RTF1: variants seen among roughly 807,000 people sequenced by gnomAD.
RTF1 encodes the protein RTF1 homolog, Paf1/RNA polymerase II complex component.
RTF1 carries 10 observed loss-of-function variants against 95.7 expected under a neutral mutation model. The ratio of observed to expected loss-of-function variants is 0.10; its 90% confidence interval spans 0.06 to 0.18. The LOEUF is 0.18. Ranked by LOEUF, RTF1 falls within the 10% of genes least tolerant of loss-of-function variation. The pLI is 1.00. For synonymous variants in RTF1, 305 were observed against 311.8 expected (o/e 0.98, Z 0.23); for missense variants, 458 against 875.6 (o/e 0.52, Z 6.02).
intron 3 of RTF1, among the ~76,000 whole-genome samples, chr15:41,454,601 G>A (rs950079224): frequency 1.3e-5 from 2 of 152,048 alleles, no homozygotes; most frequent in Admixed American, 6.6e-5. Flanking sequence ...AGAGGAAAAG[G>A]TGCCTTTACA....
At chr15:41,424,006 G>A (rs553668787) in intron 1 of RTF1, among the ~76,000 whole-genome samples, 3 of 152,182 alleles carry the variant, frequency 2.0e-5, no homozygotes, top group Non-Finnish European at 4.4e-5. Flanking sequence ...GCCCTCCTTG[G>A]CTTCCCCAGG....
rs139337169 is a variant in RTF1 at position 41,451,760 on chromosome 15, C to A, written c.310-1141C>A. On this transcript the variant is annotated intron_variant, in intron 2 of 17. Transcript: ENST00000389629. The stretch of plus-strand genomic sequence containing the variant: ...GCTACATTCACTGCCTTCCTGAGAC[C>A]CACCCCAGAACTAAACCATTCTCTG... Among the ~76,000 whole-genome samples the A allele has an allele frequency of 6.6e-5, 10 of 152,240 alleles. No individual in the cohort carries two copies. In the East Asian group the frequency reaches 1.7e-3, roughly 26 times the overall value.
chr15:41,447,886 G>A (rs544723872), intron 2 of RTF1, among the ~76,000 whole-genome samples: 1 of 152,298 alleles, frequency 6.6e-6, no homozygotes, highest in African/African-American at 2.4e-5. Flanking sequence ...AACAGATTAA[G>A]AAGTGCAAGG....
intron 6 of RTF1, among the ~76,000 whole-genome samples, chr15:41,468,339 A>G (rs1017449175): frequency 2.7e-5 from 4 of 150,626 alleles, no homozygotes; most frequent in Admixed American, 6.6e-5. Flanking sequence ...TTTTTTTGAG[A>G]CGGAGTCTCG....
At chr15:41,473,740 C>G (rs1209487862) in intron 8 of RTF1, among the ~76,000 whole-genome samples, 2 of 150,574 alleles carry the variant, frequency 1.3e-5, no homozygotes, top group Admixed American at 6.6e-5. Context: ...TTTTTTTTTT[C>G]TTTTTTGTAG....
intron 4 of RTF1, among the ~76,000 whole-genome samples, chr15:41,462,822 T>G (rs1201103900): frequency 6.6e-6 from 1 of 152,086 alleles, no homozygotes; most frequent in Admixed American, 6.6e-5. Flanking sequence ...GTGGCATGAT[T>G]ATAGCTCATT....
chr15:41,474,948 A>G (rs2050935100), intron 9 of RTF1, among the ~76,000 whole-genome samples: 1 of 152,180 alleles, frequency 6.6e-6, no homozygotes, highest in African/African-American at 2.4e-5. Flanking sequence ...TGTGGTTATG[A>G]GAGACCCTCC....
At chr15:41,422,760 G>A (rs2050608659) in intron 1 of RTF1, among the ~76,000 whole-genome samples, 1 of 152,020 alleles carries the variant, frequency 6.6e-6, no homozygotes, top group South Asian at 2.1e-4. Context: ...TGAGAGAATA[G>A]GCCCCCCTAA....
intron 1 of RTF1, among the ~76,000 whole-genome samples, chr15:41,427,431 G>A (rs1006877822): frequency 1.3e-5 from 2 of 152,036 alleles, no homozygotes; most frequent in African/African-American, 4.8e-5. Context: ...GATTACAGGC[G>A]TGAGCCACTG....
At chr15:41,476,870 G>A (rs2050944206) in intron 12 of RTF1, among the ~76,000 whole-genome samples, 1 of 152,230 alleles carries the variant, frequency 6.6e-6, no homozygotes, top group South Asian at 2.1e-4. Flanking sequence ...TTCACACTGG[G>A]TTGGGGTGGG....
intron 3 of RTF1, among the ~76,000 whole-genome samples, chr15:41,457,043 A>G (rs1203754742): frequency 1.3e-5 from 2 of 151,402 alleles, no homozygotes; most frequent in African/African-American, 4.9e-5. Flanking sequence ...CTGAGATCAC[A>G]CCACTGCACT....
chr15:41,451,827 T>A (rs2050790743), intron 2 of RTF1, among the ~76,000 whole-genome samples: 1 of 152,156 alleles, frequency 6.6e-6, no homozygotes, highest in South Asian at 2.1e-4. Context: ...ATTACTGCCA[T>A]CTCTGCCACA....
chr15:41,463,329 A>G (rs1380112495), intron 4 of RTF1, among the ~76,000 whole-genome samples: 2 of 151,998 alleles, frequency 1.3e-5, no homozygotes, highest in Non-Finnish European at 2.9e-5. Context: ...AGTTCTTTTG[A>G]GTGTATACTG....
rs2050573202 is a variant in RTF1 at position 41,417,096 on chromosome 15, G to A, written c.-20G>A. 3.3e-6 allele frequency: 4 copies of A among 1,230,596 alleles called. No homozygotes were observed. The highest frequency in any genetic ancestry group is 4.1e-6 in the Non-Finnish European group (4 of 984,342). The allele number at this position is 1,230,596 out of a possible 1,614,324, so 76.2% of individuals were successfully genotyped here. ...TGCGGCGAGCAGGGGGCGGGGCCAG[G>A]GGGGCGGAGCGGAGCGCGCATGCGC... On this transcript the variant is annotated 5_prime_UTR_variant, in exon 1 of 18. Coordinates refer to ENST00000389629, the MANE Select transcript of RTF1 (RefSeq NM_015138.5).
intron 2 of RTF1, among the ~76,000 whole-genome samples, chr15:41,452,210 C>G (rs1217425666): frequency 1.3e-5 from 2 of 152,060 alleles, no homozygotes; most frequent in Non-Finnish European, 2.9e-5. Flanking sequence ...CCAAGGCAGG[C>G]AAATTGCTTG....
intron 14 of RTF1, 123 bp from the exon 15 acceptor site, chr15:41,478,425 A>T: frequency 2.1e-5 from 15 of 711,912 alleles, no homozygotes; most frequent in Non-Finnish European, 3.3e-5. Context: ...AAAAAAAAAA[A>T]GGAAAAGGAT....
At chr15:41,425,108 G>A (rs1288978231) in intron 1 of RTF1, among the ~76,000 whole-genome samples, 1 of 151,154 alleles carries the variant, frequency 6.6e-6, no homozygotes, top group Non-Finnish European at 1.5e-5. Flanking sequence ...GCTAATTTTT[G>A]TTTTTTATTT....
intron 1 of RTF1, among the ~76,000 whole-genome samples, chr15:41,425,534 G>A (rs1385762742): frequency 6.6e-6 from 1 of 152,140 alleles, no homozygotes; most frequent in African/African-American, 2.4e-5. Context: ...TAATATGGAG[G>A]GGGACACTAA....
At chr15:41,434,070 C>T (rs1566838000) in intron 1 of RTF1, among the ~76,000 whole-genome samples, 1 of 151,788 alleles carries the variant, frequency 6.6e-6, no homozygotes, top group African/African-American at 2.4e-5. Context: ...GTCTCGAACT[C>T]CCAACCTCAG....
Sources: gnomAD v4.1 joint callset for allele counts (sites outside exome capture counted in the v4.1 genomes callset) on GRCh38, gnomAD v4.1.1 for gene constraint, MANE v1.5 for transcripts, NCBI Gene and HGNC (gene_info 2026-07-23, HGNC 2026-07-21) for gene names.